The following LRP5 variants were observed in gnomAD, a reference collection of about 807,000 sequenced individuals.
LRP5 encodes low-density lipoprotein receptor-related protein 5.
A neutral mutation model predicts 154.1 loss-of-function variants in LRP5; 62 were observed. The ratio of observed to expected loss-of-function variants is 0.40; its 90% confidence interval spans 0.33 to 0.50. The LOEUF is 0.50. LRP5 is among the 20% of genes least tolerant of loss of function. LRP5 has a pLI of 0.55. For synonymous variants in LRP5, 966 were observed against 1,011.5 expected (o/e 0.96, Z 0.85); for missense variants, 1,915 against 2,336.7 (o/e 0.82, Z 3.72).
intron 5 of LRP5, among the ~76,000 whole-genome samples, chr11:68,366,195 G>A (rs1319421931): frequency 6.6e-6 from 1 of 152,182 alleles, no homozygotes; most frequent in Non-Finnish European, 1.5e-5. Context: ...GGTAACGAGA[G>A]GTGTCAGGAA....
intron 7 of LRP5, among the ~76,000 whole-genome samples, chr11:68,393,605 A>AC (rs1263152909): frequency 6.6e-6 from 1 of 152,090 alleles, no homozygotes; most frequent in African/African-American, 2.4e-5. Context: ...ACATGGTGTA[A>AC]CCCCATCTCT....
chr11:68,445,506 C>T, intron 21 of LRP5: 1 of 905,938 alleles, frequency 1.1e-6, no homozygotes, highest in Non-Finnish European at 1.6e-6. Flanking sequence ...CTTGTACCAC[C>T]CTAGGGGGCC....
chr11:68,433,888 G>T, intron 18 of LRP5, 50 bp downstream of exon 18: 2 of 1,561,770 alleles, frequency 1.3e-6, no homozygotes, highest in Non-Finnish European at 8.7e-7. Context: ...CCTGCCCTCC[G>T]GGATACGAGC....
intron 5 of LRP5, among the ~76,000 whole-genome samples, chr11:68,377,961 G>A (rs2098638278): frequency 6.6e-6 from 1 of 152,186 alleles, no homozygotes; most frequent in Admixed American, 6.5e-5. Flanking sequence ...TGTGGTGGGA[G>A]GCCTGCGGTG....
intron 9 of LRP5, among the ~76,000 whole-genome samples, chr11:68,408,941 A>G (rs2098657282): frequency 6.7e-6 from 1 of 150,046 alleles, no homozygotes; most frequent in Admixed American, 6.7e-5. Context: ...CCCAGCCACC[A>G]AGGAGGCTGA....
At chr11:68,398,127 A>G (rs1308705851) in intron 7 of LRP5, among the ~76,000 whole-genome samples, 2 of 152,206 alleles carry the variant, frequency 1.3e-5, no homozygotes, top group East Asian at 1.9e-4. Flanking sequence ...CTCAGACAAC[A>G]GAACTCTCCC....
At chr11:68,388,998 T>C (rs987303266) in intron 6 of LRP5, among the ~76,000 whole-genome samples, 5 of 151,836 alleles carry the variant, frequency 3.3e-5, no homozygotes, top group Non-Finnish European at 7.4e-5. Flanking sequence ...TTACCAACAC[T>C]GTTTACCAAC....
intron 2 of LRP5, among the ~76,000 whole-genome samples, chr11:68,355,476 C>T (rs2153134685): frequency 6.6e-6 from 1 of 152,296 alleles, no homozygotes; most frequent in South Asian, 2.1e-4. Flanking sequence ...GTCTGCCAGC[C>T]CTTGTGTCCT....
chr11:68,321,838 G>A (rs2098596933), intron 1 of LRP5, among the ~76,000 whole-genome samples: 1 of 152,146 alleles, frequency 6.6e-6, no homozygotes, highest in African/African-American at 2.4e-5. Flanking sequence ...TACCTGCCTG[G>A]CAAAGCTCTC....
chr11:68,323,179 G>A (rs545022827), intron 1 of LRP5, among the ~76,000 whole-genome samples: 10 of 152,268 alleles, frequency 6.6e-5, no homozygotes, highest in Middle Eastern at 3.4e-3. Context: ...CACAGTCTTG[G>A]CTCACTGCAA....
Position 68,423,719 on chromosome 11 carries a change from G to A in LRP5, c.3236+22G>A, listed in dbSNP as rs757784633. The A allele has an allele frequency of 6.3e-7, 1 of 1,595,712 alleles. No homozygotes were observed. The highest frequency in any genetic ancestry group is 1.3e-5 in the African/African-American group (1 of 74,552). On this transcript the variant is annotated intron_variant, in intron 14 of 22. Transcript: ENST00000294304. The surrounding 1 kb of genome is among the most constrained non-coding windows in gnomAD (Gnocchi z 4.7). ...GAGGGTAGGAGGCCAACGGGTGGGT[G>A]GGGGTGCTGCCCGTCCAGGCGTGCC...
chr11:68,356,086 C>T lies in LRP5; in HGVS notation c.489-1564C>T, dbSNP rs181482417. Among the ~76,000 whole-genome samples, 18 of 151,462 alleles carry T rather than the reference C, an allele frequency of 1.2e-4. No individual in the cohort carries two copies. The East Asian group carries it at 2.9e-3, about 25-fold the overall frequency. On this transcript the variant is annotated intron_variant, in intron 2 of 22. Transcript: ENST00000294304. Reference sequence around the variant, plus strand: ...GTCTCGATCTCCTGACCTCGTGATCCGCCCATCTCGGCCTCCCAAAGCGCT... The same window carrying T: ...GTCTCGATCTCCTGACCTCGTGATCTGCCCATCTCGGCCTCCCAAAGCGCT...
chr11:68,413,729 G>A lies in LRP5; in HGVS notation c.2544G>A (p.Pro848=), dbSNP rs148271293. 238 of 1,613,714 alleles carry A rather than the reference G, an allele frequency of 1.5e-4. 1 individual carries two copies. The African/African-American group carries it at 2.9e-3, about 20-fold the overall frequency. ...RVVIADDLPH[P]FGLTQYSDYI... The stretch of plus-strand genomic sequence containing the variant: ...TGATTGCCGACGATCTCCCGCACCC[G>A]TTCGGTCTGACGCAGTACAGCGATT... Residue 848 remains proline (P), a synonymous_variant, in exon 12 of 23, where the codon CCG becomes CCA. Coordinates refer to ENST00000294304, the MANE Select transcript of LRP5 (RefSeq NM_002335.4). The surrounding 1 kb of genome is among the most constrained non-coding windows in gnomAD (Gnocchi z 5.1).
chr11:68,305,660 C>G, the LRP5 span, among the ~76,000 whole-genome samples: 16 of 152,130 alleles, frequency 1.1e-4, no homozygotes, highest in Non-Finnish European at 1.9e-4. Flanking sequence ...CCAGGCTGGT[C>G]TTGAACTCCT....
At chr11:68,394,107 T>C (rs2098647868) in intron 7 of LRP5, among the ~76,000 whole-genome samples, 1 of 152,138 alleles carries the variant, frequency 6.6e-6, no homozygotes, top group Non-Finnish European at 1.5e-5. Flanking sequence ...TCCCACATTT[T>C]TCAGATGAGA....
rs915266992 is a variant in LRP5 at position 68,413,096 on chromosome 11, G to A, written c.2504-593G>A. ...GTCACCCAGCTCTGCAGCACATCCC[G>A]TGACCCAGCTCATCCAGGCCGCATG... is the stretch of plus-strand genomic sequence containing the variant. On this transcript the variant is annotated intron_variant, in intron 11 of 22. Coordinates refer to ENST00000294304, the MANE Select transcript of LRP5 (RefSeq NM_002335.4). This position sits in a 1 kb window ranked among gnomAD's most constrained non-coding sequence, Gnocchi z 5.1. 5.1e-5 allele frequency: 10 copies of A among 194,764 alleles called. No individual in the cohort carries two copies. Among genetic ancestry groups the A allele is most frequent in the East Asian group, 3.3e-4 (4 of 12,070 alleles). The allele number at this position is 194,764 out of a possible 1,614,324, so 12.1% of individuals were successfully genotyped here.
intron 17 of LRP5, among the ~76,000 whole-genome samples, chr11:68,432,855 A>T (rs1470137425): frequency 2.0e-5 from 3 of 152,158 alleles, no homozygotes; most frequent in East Asian, 1.9e-4. Context: ...GTGCTGCCGC[A>T]TGCCCAGCCC....
At chr11:68,378,588 T>G (rs2098638686) in intron 5 of LRP5, among the ~76,000 whole-genome samples, 1 of 152,092 alleles carries the variant, frequency 6.6e-6, no homozygotes, top group Non-Finnish European at 1.5e-5. Context: ...TTCAGAGGCT[T>G]TTTTTTCCTC....
In LRP5 at chr11:68,375,887, C is replaced by T. The variant is rs550777042; in HGVS notation, c.1015+10185C>T. Among the ~76,000 whole-genome samples, 4 of 152,266 alleles carry T rather than the reference C, an allele frequency of 2.6e-5. No individual in the cohort carries two copies. The South Asian group carries it at 6.2e-4, about 24-fold the overall frequency. On this transcript the variant is annotated intron_variant, in intron 5 of 22. Transcript: ENST00000294304. ...GTGTGCCTTGCTGACCTGGGAGGGT[C>T]GAAAGGACGGTGTCTGGGGAAGGAT... is the stretch of plus-strand genomic sequence containing the variant.
Sources: allele counts gnomAD v4.1 joint callset (sites outside exome capture counted in the v4.1 genomes callset), GRCh38; gene constraint gnomAD v4.1.1; non-coding constraint Gnocchi (gnomAD v3.1); transcripts MANE v1.5; gene names NCBI Gene and HGNC (gene_info 2026-07-23, HGNC 2026-07-21).